The following AKNA variants were observed in gnomAD, a reference collection of about 807,000 sequenced individuals.
The protein encoded by AKNA is microtubule organization protein AKNA.
In AKNA, 67 loss-of-function variants were observed where a neutral mutation model predicts 138.8. The observed-to-expected ratio is 0.48, with a 90% CI of 0.40 to 0.59. AKNA has a LOEUF of 0.59. AKNA is among the 20% of genes least tolerant of loss of function. The probability of loss-of-function intolerance (pLI) is 0.00; values close to 1 mark genes in which losing one functional copy is unlikely to be tolerated. For missense variants in AKNA, 1,813 were observed against 1,880.4 expected (o/e 0.96, Z 0.66); for synonymous variants, 737 against 754.4 (o/e 0.98, Z 0.38).
At chr9:114,362,157 C>A (rs1020590585) in intron 8 of AKNA, among the ~76,000 whole-genome samples, 1 of 152,194 alleles carries the variant, frequency 6.6e-6, no homozygotes, top group Non-Finnish European at 1.5e-5. Flanking sequence ...AAATCCCACC[C>A]CCATCTAGCC....
chr9:114,386,650 G>A (rs1343385356), intron 1 of AKNA, among the ~76,000 whole-genome samples: 3 of 152,222 alleles, frequency 2.0e-5, no homozygotes, highest in Middle Eastern at 6.8e-3. Flanking sequence ...CCCTCCTTCT[G>A]CACATCTCCT....
intron 19 of AKNA, 87 bp downstream of exon 19, chr9:114,343,621 C>T (rs1163586772): frequency 1.1e-5 from 15 of 1,390,124 alleles, no homozygotes; most frequent in Non-Finnish European, 1.4e-5. Flanking sequence ...TCAGGGCAGG[C>T]CAGATCTTGT....
downstream of AKNA, chr9:114,331,635 T>C (rs1829853816): frequency 1.2e-6 from 2 of 1,613,972 alleles, no homozygotes; most frequent in Non-Finnish European, 1.7e-6. Flanking sequence ...GTTTGGTTCC[T>C]ACCTGGACGA....
chr9:114,393,981 T>C (rs917313182), intron 1 of AKNA, among the ~76,000 whole-genome samples: 4 of 152,064 alleles, frequency 2.6e-5, no homozygotes, highest in African/African-American at 4.8e-5. Flanking sequence ...GAGACCAGCC[T>C]GGTCAACATG....
chr9:114,377,379 C>T lies in AKNA; in HGVS notation c.428G>A (p.Arg143Lys), dbSNP rs148516924. The change falls in exon 3 of 22, where the codon AGG (arginine) becomes AAG (lysine). Residue 143 changes from arginine (R) to lysine (K), a missense_variant. By Grantham distance (26) the Arg-to-Lys change is conservative. Transcript: ENST00000374088. ...EVEEAGESSS[R>K]LGYEAGLSLE... ...GCTGAGACCAGCCTCATACCCCAAC[C>T]TTGAGGAGCTCTCTCCAGCCTCCTC... 6.2e-7 allele frequency: 1 copy of T among 1,613,776 alleles called. No individual in the cohort carries two copies. The highest frequency in any genetic ancestry group is 1.7e-5 in the Admixed American group (1 of 59,958).
intron 2 of AKNA, among the ~76,000 whole-genome samples, 191 bp downstream of exon 2, chr9:114,380,869 G>A (rs978381779): frequency 1.3e-4 from 20 of 150,862 alleles, no homozygotes; most frequent in Non-Finnish European, 2.1e-4. Context: ...TGTAATCCCA[G>A]CTACTCGGGA....
rs368176559 is a variant in AKNA at position 114,377,551 on chromosome 9, C to T, written c.275-19G>A. 4 of 1,573,422 alleles carry T rather than the reference C, an allele frequency of 2.5e-6. No homozygotes were observed. The African/African-American group carries it at 5.4e-5, about 21-fold the overall frequency. ...TCAGCCTCTGGAAAGACAGGCCATT[C>T]ACTTCTTAGCATATACCAGCTCTGC... On this transcript the variant is annotated intron_variant, in intron 2 of 21. Transcript: ENST00000374088.
chr9:114,364,004 A>C (rs1212137621), intron 7 of AKNA, among the ~76,000 whole-genome samples: 1 of 152,116 alleles, frequency 6.6e-6, no homozygotes, highest in African/African-American at 2.4e-5. Context: ...GGACTCTATA[A>C]AGGGTCTCCC....
intron 7 of AKNA, among the ~76,000 whole-genome samples, chr9:114,363,864 C>T (rs1490426634): frequency 1.3e-5 from 2 of 152,154 alleles, no homozygotes; most frequent in Non-Finnish European, 2.9e-5. Flanking sequence ...TCTCCTTTGA[C>T]GCCTACACTC....
chr9:114,356,370 T>C (rs1012427667), intron 13 of AKNA, among the ~76,000 whole-genome samples: 9 of 152,200 alleles, frequency 5.9e-5, no homozygotes, highest in Non-Finnish European at 1.3e-4. Flanking sequence ...ATGTGTAGAA[T>C]ACATAAAAGA....
At chr9:114,375,668 G>C (rs1030712374) in intron 3 of AKNA, among the ~76,000 whole-genome samples, 3 of 152,124 alleles carry the variant, frequency 2.0e-5, no homozygotes, top group African/African-American at 7.2e-5. Flanking sequence ...ATAATCTAGT[G>C]GGGGTGAATA....
At chr9:114,369,875 GTCA>G (rs574351695) in intron 4 of AKNA, among the ~76,000 whole-genome samples, 35 of 151,832 alleles carry the variant, frequency 2.3e-4, no homozygotes, top group Admixed American at 3.9e-4. Context: ...TACCATTACC[GTCA>G]TCATCATAAC....
At chr9:114,384,599 C>T (rs911681128) in intron 1 of AKNA, among the ~76,000 whole-genome samples, 5 of 152,202 alleles carry the variant, frequency 3.3e-5, no homozygotes, top group Non-Finnish European at 5.9e-5. Context: ...TCCACTTCCA[C>T]TTAATGAAAG....
rs1830017469 is a variant in AKNA, at chr9:114,336,821, C to A, written c.*233G>T. 7 of 456,076 alleles carry A rather than the reference C, an allele frequency of 1.5e-5. No individual in the cohort carries two copies. Among genetic ancestry groups the A allele is most frequent in the African/African-American group, 1.2e-4 (6 of 50,198 alleles). The allele number at this position is 456,076 out of a possible 1,614,324, so 28.3% of individuals were successfully genotyped here. On this transcript the variant is annotated 3_prime_UTR_variant, in exon 22 of 22. Coordinates refer to ENST00000374088, the MANE Select transcript of AKNA (RefSeq NM_001317950.2). ...GGACCGAAGGAGGCCTCGCTCACAG[C>A]ACCTCTGTGAGGGGACTGGTGCTCC...
rs186710433 is a variant in AKNA at position 114,334,497 on chromosome 9, G to T, written c.*2557C>A. The stretch of plus-strand genomic sequence containing the variant: ...GGGTGCTCACCTGGGAGACCCAGAA[G>T]AAGGAGATAACACGTAAGGGTGAGG... On this transcript the variant is annotated 3_prime_UTR_variant, in exon 22 of 22. Transcript: ENST00000374088. The T allele has an allele frequency of 2.2e-3, 318 of 147,160 alleles. 10 individuals carry two copies. The highest frequency in any genetic ancestry group is 1.0e-3 in the Non-Finnish European group (69 of 69,046). The allele number at this position is 147,160 out of a possible 1,614,324, so 9.1% of individuals were successfully genotyped here.
intron 19 of AKNA, 45 bp from the exon 20 acceptor site, chr9:114,342,170 C>T: frequency 1.4e-6 from 2 of 1,427,220 alleles, no homozygotes; most frequent in Non-Finnish European, 1.9e-6. Flanking sequence ...ACATCTAAAT[C>T]ATCAGATCAG....
rs1189718354 is a variant in AKNA at position 114,356,081 on chromosome 9, A to G, written c.2902T>C (p.Ser968Pro). The change falls in exon 14 of 22, where the codon TCC (serine) becomes CCC (proline). Residue 968 changes from serine to proline, a missense_variant. By Grantham distance (74) the Ser-to-Pro change is moderately conservative (BLOSUM62 -1). Transcript: ENST00000374088. ...FAASVPRDGA[S>P]YPKARGSLIP... ...AGAGAACCCCTGGCCTTGGGGTAGG[A>G]AGCTCCATCCCTGGGCACAGATGCA... 9.3e-6 allele frequency: 15 copies of G among 1,613,984 alleles called. No homozygotes were observed. Among genetic ancestry groups the G allele is most frequent in the Non-Finnish European group, 1.3e-5 (15 of 1,180,016 alleles).
At chr9:114,356,725 A>G (rs948208352) in intron 13 of AKNA, 138 bp downstream of exon 13, 1 of 763,986 alleles carries the variant, frequency 1.3e-6, no homozygotes. Flanking sequence ...GGAACAAGAA[A>G]TCACGGTTAG....
intron 4 of AKNA, among the ~76,000 whole-genome samples, chr9:114,371,716 A>G (rs1832780069): frequency 6.6e-6 from 1 of 152,138 alleles, no homozygotes; most frequent in African/African-American, 2.4e-5. Context: ...ATGGGTCCCC[A>G]TCCATTGCTG....
Sources: gnomAD v4.1 joint callset for allele counts (sites outside exome capture counted in the v4.1 genomes callset) on GRCh38, gnomAD v4.1.1 for gene constraint, MANE v1.5 for transcripts, NCBI Gene and HGNC (gene_info 2026-07-23, HGNC 2026-07-21) for gene names.